The following UTRN variants were observed in gnomAD, a reference collection of about 807,000 sequenced individuals.
UTRN encodes the protein dystrophin-related protein 1.
In UTRN, 283 loss-of-function variants were observed where a neutral mutation model predicts 463.9. The observed-to-expected ratio is 0.61, with a 90% confidence interval of 0.55 to 0.67. UTRN has a LOEUF of 0.67. Among genes scored for constraint, UTRN ranks in the 30% least tolerant of loss-of-function variants. The pLI, the probability that UTRN is intolerant of heterozygous loss-of-function variation, is 0.00. For synonymous variants in UTRN, 1,442 were observed against 1,431.5 expected (o/e 1.01, Z -0.17); for missense variants, 3,922 against 4,084.3 (o/e 0.96, Z 1.08).
At chr6:144,432,789 A>T (rs1366535235) in intron 9 of UTRN, among the ~76,000 whole-genome samples, 1 of 152,048 alleles carries the variant, frequency 6.6e-6, no homozygotes, top group African/African-American at 2.4e-5. Flanking sequence ...CAGATAAACA[A>T]GTGAACAAAG....
intron 46 of UTRN, among the ~76,000 whole-genome samples, chr6:144,547,964 T>G (rs1037912525): frequency 2.6e-5 from 4 of 152,188 alleles, no homozygotes; most frequent in African/African-American, 4.8e-5. Context: ...TGAAGTAGGT[T>G]ACAGATAGTT....
At chr6:144,794,121 T>A (rs1054411383) in intron 63 of UTRN, 130 bp downstream of exon 63, 6 of 1,283,838 alleles carry the variant, frequency 4.7e-6, no homozygotes, top group East Asian at 2.5e-5. Flanking sequence ...CAACAAGTGG[T>A]GTATTTTATT....
chr6:144,660,228 A>C (rs1482593703), intron 51 of UTRN: 1 of 471,220 alleles, frequency 2.1e-6, no homozygotes, highest in Non-Finnish European at 4.4e-6. Context: ...CTGGACAATG[A>C]TTGGTCTGAA....
At chr6:144,842,534 A>T (rs1014764543) in intron 73 of UTRN, among the ~76,000 whole-genome samples, 2 of 152,206 alleles carry the variant, frequency 1.3e-5, no homozygotes, top group African/African-American at 4.8e-5. Flanking sequence ...AGTTGCAGTG[A>T]GTTGAGATCA....
chr6:144,416,211 G>C (rs1232851119), intron 3 of UTRN, among the ~76,000 whole-genome samples: 1 of 152,074 alleles, frequency 6.6e-6, no homozygotes, highest in African/African-American at 2.4e-5. Context: ...CCTATGACCT[G>C]GTGTGCCTGT....
In UTRN at chr6:144,286,845, C is replaced by T. The variant is rs1803715058; in HGVS notation, c.-93+1024C>T. On this transcript the variant is annotated intron_variant, in intron 1 of 74. Coordinates refer to ENST00000367545, the MANE Select transcript of UTRN (RefSeq NM_007124.3). This position sits in a 1 kb window ranked among gnomAD's most constrained non-coding sequence, Gnocchi z 4.4. Reference sequence around the variant, plus strand: ...AGCTCGGGTTCTAACTCCACGGCCCCGCTCTCTGAGGTGTTCAGGACAGGG... The same window carrying T: ...AGCTCGGGTTCTAACTCCACGGCCCTGCTCTCTGAGGTGTTCAGGACAGGG... Among the ~76,000 whole-genome samples, 1 of 152,084 alleles carries T rather than the reference C, an allele frequency of 6.6e-6. No individual in the cohort carries two copies. Among genetic ancestry groups the T allele is most frequent in the Admixed American group, 6.5e-5 (1 of 15,272 alleles).
chr6:144,369,853 T>A (rs1241952184), intron 2 of UTRN, among the ~76,000 whole-genome samples: 1 of 152,208 alleles, frequency 6.6e-6, no homozygotes, highest in Non-Finnish European at 1.5e-5. Flanking sequence ...GCAGTTCCCC[T>A]GCACATGGTC....
At chr6:144,570,543 C>G (rs1199141933) in intron 50 of UTRN, among the ~76,000 whole-genome samples, 1 of 152,170 alleles carries the variant, frequency 6.6e-6, no homozygotes, top group Non-Finnish European at 1.5e-5. Context: ...ATATAACCAA[C>G]AAAGTAGACA....
In UTRN at chr6:144,554,798, G is replaced by A; in HGVS notation, c.7039G>A (p.Glu2347Lys). The change falls in exon 49 of 75, where the codon GAG becomes AAG. Residue 2347 changes from glutamate (E) to lysine (K), a missense_variant. Coordinates refer to ENST00000367545, the MANE Select transcript of UTRN (RefSeq NM_007124.3). ...DSLQWDDHRE[E>K]TEELMRKYEA... is the part of the protein sequence containing the mutation. ...TCTTCAGTGGGATGACCATAGGGAG[G>A]AGACTGAAGAACTGATGAGAAAATA... The A allele has an allele frequency of 6.2e-7, 1 of 1,613,986 alleles. No individual in the cohort carries two copies. Among genetic ancestry groups the A allele is most frequent in the East Asian group, 2.2e-5 (1 of 44,840 alleles).
At chr6:144,718,364 A>C (rs983664572) in intron 53 of UTRN, among the ~76,000 whole-genome samples, 2 of 152,196 alleles carry the variant, frequency 1.3e-5, no homozygotes, top group East Asian at 3.8e-4. Flanking sequence ...TAGCTACTTA[A>C]GAGGCTGAGG....
intron 65 of UTRN, among the ~76,000 whole-genome samples, chr6:144,807,014 T>A (rs1305431181): frequency 6.6e-6 from 1 of 152,172 alleles, no homozygotes; most frequent in Non-Finnish European, 1.5e-5. Flanking sequence ...CCTTAGAAAA[T>A]GAACTCAAGT....
intron 43 of UTRN, 145 bp downstream of exon 43, chr6:144,533,405 T>C: frequency 7.3e-7 from 1 of 1,369,864 alleles, no homozygotes; most frequent in South Asian, 1.6e-5. Flanking sequence ...GCCCACGTTC[T>C]CCCTTCCTGT....
intron 63 of UTRN, among the ~76,000 whole-genome samples, 183 bp downstream of exon 63, chr6:144,794,174 G>A (rs1468810599): frequency 1.3e-5 from 2 of 152,204 alleles, no homozygotes; most frequent in Admixed American, 6.5e-5. Flanking sequence ...CCCTTGCAAA[G>A]AGACTTGCTG....
rs747375541 is a variant in UTRN, at chr6:144,459,383, T to C, written c.2707+29T>C. ...AACCCAACAATTTTAAAATCTCCTG[T>C]CTCAGTTTGCCTTAATGTAAACATG... On this transcript the variant is annotated intron_variant, in intron 21 of 74. Transcript: ENST00000367545. 1.1e-4 allele frequency: 165 copies of C among 1,557,194 alleles called. 2 individuals carry two copies. The Admixed American group carries it at 1.1e-3, about 10-fold the overall frequency.
intron 2 of UTRN, among the ~76,000 whole-genome samples, chr6:144,390,478 T>C (rs146871857): frequency 2.0e-5 from 3 of 152,302 alleles, no homozygotes; most frequent in Non-Finnish European, 2.9e-5. Flanking sequence ...ATGGCCCACA[T>C]TACCTGCTCA....
intron 2 of UTRN, among the ~76,000 whole-genome samples, chr6:144,360,803 A>G (rs550193050): frequency 9.2e-5 from 14 of 152,322 alleles, no homozygotes; most frequent in Admixed American, 8.5e-4. Flanking sequence ...AACTTGCTTG[A>G]TAATGACCTT....
chr6:144,596,252 C>T (rs866345276), intron 51 of UTRN, among the ~76,000 whole-genome samples: 8 of 152,060 alleles, frequency 5.3e-5, no homozygotes, highest in Non-Finnish European at 1.0e-4. Flanking sequence ...CACATCCTTG[C>T]GGGTTAGGGT....
intron 51 of UTRN, among the ~76,000 whole-genome samples, chr6:144,628,890 G>C (rs1176222096): frequency 6.6e-6 from 1 of 152,006 alleles, no homozygotes; most frequent in Non-Finnish European, 1.5e-5. Context: ...GTTGAGGGCT[G>C]GTTTAACTGA....
rs150516065 is a variant in UTRN, at chr6:144,318,502, C to T, written c.79+26595C>T. On this transcript the variant is annotated intron_variant, in intron 2 of 74. Transcript: ENST00000367545. The stretch of plus-strand genomic sequence containing the variant: ...TTTTTGAGACCGAGTTTCGCTCTAT[C>T]GCCCAGGCTGGAGTGCAGTGGCGTG... Among the ~76,000 whole-genome samples the T allele has an allele frequency of 2.0e-3, 304 of 151,792 alleles. 4 individuals carry two copies. Among genetic ancestry groups the T allele is most frequent in the African/African-American group, 6.9e-3 (284 of 41,384 alleles).
Sources: gnomAD v4.1 joint callset for allele counts (sites outside exome capture counted in the v4.1 genomes callset) on GRCh38, gnomAD v4.1.1 for gene constraint, Gnocchi (gnomAD v3.1) non-coding constraint, MANE v1.5 for transcripts, NCBI Gene and HGNC (gene_info 2026-07-23, HGNC 2026-07-21) for gene names.